The following NBAS variants were observed in gnomAD, a reference collection of about 807,000 sequenced individuals.
NBAS encodes the protein NAG/BC035112 fusion.
Under a neutral mutation model 302.5 loss-of-function variants are expected in NBAS, and 219 were observed. That is an observed-to-expected ratio of 0.72 (90% CI 0.65 to 0.81). NBAS has a LOEUF of 0.81. Ranked by LOEUF, NBAS falls within the 30% of genes least tolerant of loss-of-function variation. The probability of loss-of-function intolerance (pLI) is 0.00; values close to 1 mark genes in which losing one functional copy is unlikely to be tolerated. For missense variants in NBAS, 2,932 were observed against 2,841.6 expected (o/e 1.03, Z -0.72); for synonymous variants, 1,118 against 1,021.6 (o/e 1.09, Z -1.80).
At chr2:15,165,575 G>A (rs775911638), downstream of NBAS, among the ~76,000 whole-genome samples, 14 of 152,176 alleles carry the variant, frequency 9.2e-5, no homozygotes, top group South Asian at 2.1e-4. Context: ...AGGTGAAGCC[G>A]ACGATGATGG....
chr2:15,206,657 C>T (rs1666159794), intron 48 of NBAS, among the ~76,000 whole-genome samples: 1 of 152,192 alleles, frequency 6.6e-6, no homozygotes. Context: ...GACATGGTGC[C>T]CTGCATTCCA....
the NBAS span, among the ~76,000 whole-genome samples, chr2:14,967,027 G>A: frequency 2.6e-5 from 4 of 151,980 alleles, no homozygotes; most frequent in African/African-American, 9.7e-5. Flanking sequence ...TAAACAATTA[G>A]AAATTTAAAA....
chr2:15,206,255 T>C (rs145844906), intron 48 of NBAS, among the ~76,000 whole-genome samples: 1 of 152,142 alleles, frequency 6.6e-6, no homozygotes, highest in Non-Finnish European at 1.5e-5. Flanking sequence ...AATGATAATT[T>C]AGGGAATCTG....
chr2:15,122,499 G>A, the NBAS span, among the ~76,000 whole-genome samples: 1 of 152,136 alleles, frequency 6.6e-6, no homozygotes, highest in African/African-American at 2.4e-5. Flanking sequence ...TGAGGGATCT[G>A]TCCCCCATGA....
intron 21 of NBAS, among the ~76,000 whole-genome samples, chr2:15,444,882 C>T (rs1678640755): frequency 6.6e-6 from 1 of 151,932 alleles, no homozygotes; most frequent in South Asian, 2.1e-4. Context: ...GACATTTATG[C>T]AGCCAAAAAA....
the NBAS span, among the ~76,000 whole-genome samples, chr2:15,024,378 C>T: frequency 7.9e-5 from 12 of 151,986 alleles, no homozygotes; most frequent in African/African-American, 2.9e-4. Flanking sequence ...AGTCTTCTGT[C>T]GATGGCCATT....
At chr2:14,968,700 T>A in the NBAS span, among the ~76,000 whole-genome samples, 1 of 152,208 alleles carries the variant, frequency 6.6e-6, no homozygotes. Context: ...CAAACAATAG[T>A]CTTCCAAGAA....
the NBAS span, among the ~76,000 whole-genome samples, chr2:15,157,270 GTGTGT>G: frequency 3.3e-5 from 5 of 152,196 alleles, no homozygotes; most frequent in Non-Finnish European, 2.9e-5. Context: ...AAGCCCAAGA[GTGTGT>G]TCCCTAGGAC....
chr2:14,916,438 GTTTTC>G, the NBAS span, among the ~76,000 whole-genome samples: 2 of 151,992 alleles, frequency 1.3e-5, no homozygotes, highest in East Asian at 1.9e-4. Context: ...AATTTTCATT[GTTTTC>G]TTTTCTTTTT....
chr2:14,901,786 T>C, the NBAS span, among the ~76,000 whole-genome samples: 5 of 152,186 alleles, frequency 3.3e-5, no homozygotes, highest in Non-Finnish European at 5.9e-5. Flanking sequence ...GGAATCAGAC[T>C]AGAGTTAGCT....
chr2:15,391,337 C>A (rs1675591318), intron 28 of NBAS, among the ~76,000 whole-genome samples: 1 of 149,530 alleles, frequency 6.7e-6, no homozygotes, highest in Admixed American at 6.7e-5. Flanking sequence ...GTTAATGAGG[C>A]ATGAAAGTTT....
At chr2:15,243,247 A>C (rs766339769) in intron 44 of NBAS, among the ~76,000 whole-genome samples, 5 of 152,208 alleles carry the variant, frequency 3.3e-5, no homozygotes, top group Non-Finnish European at 7.3e-5. Flanking sequence ...GCTGTGTTCC[A>C]GCCAGTGAAA....
chr2:15,553,518 T>G (rs1664480871), intron 4 of NBAS, 45 bp from the exon 5 acceptor site: 1 of 1,502,450 alleles, frequency 6.7e-7, no homozygotes, highest in Admixed American at 1.7e-5. Flanking sequence ...ATTATGAATA[T>G]CTATAGCAGT....
At chr2:14,794,613 A>C in the NBAS span, among the ~76,000 whole-genome samples, 1 of 152,198 alleles carries the variant, frequency 6.6e-6, no homozygotes, top group Non-Finnish European at 1.5e-5. Flanking sequence ...GGTAAAGTTT[A>C]CATATAATAA....
At chr2:15,322,418 T>A (rs968638056) in intron 38 of NBAS, among the ~76,000 whole-genome samples, 10 of 151,870 alleles carry the variant, frequency 6.6e-5, no homozygotes, top group South Asian at 6.2e-4. Flanking sequence ...AATAAAATTT[T>A]AAAAAAACAG....
At chr2:15,304,822 A>G (rs908094512) in intron 40 of NBAS, among the ~76,000 whole-genome samples, 4 of 152,224 alleles carry the variant, frequency 2.6e-5, no homozygotes, top group Admixed American at 6.5e-5. Flanking sequence ...TCAAAAGGTG[A>G]CTTGGATGCT....
At chr2:15,026,619 C>T in the NBAS span, among the ~76,000 whole-genome samples, 2 of 151,986 alleles carry the variant, frequency 1.3e-5, no homozygotes, top group Admixed American at 6.6e-5. Context: ...CCTACTTGAT[C>T]GTGTTGGATT....
the NBAS span, among the ~76,000 whole-genome samples, chr2:15,065,068 A>T: frequency 5.3e-5 from 8 of 152,302 alleles, no homozygotes; most frequent in East Asian, 5.8e-4. Flanking sequence ...ACTCTCAACA[A>T]ATAGGTATAG....
chr2:15,180,233 T>C (rs1040805060), intron 50 of NBAS: 1 of 152,232 alleles, frequency 6.6e-6, no homozygotes, highest in African/African-American at 2.4e-5. Context: ...CTGCACATTA[T>C]AGTTTTAGCT....
Sources: allele counts gnomAD v4.1 joint callset (sites outside exome capture counted in the v4.1 genomes callset), GRCh38; gene constraint gnomAD v4.1.1; transcripts MANE v1.5; gene names NCBI Gene and HGNC (gene_info 2026-07-23, HGNC 2026-07-21).